PRMT3: variants seen among roughly 807,000 people sequenced by gnomAD.
PRMT3 encodes protein arginine N-methyltransferase 3.
Under a neutral mutation model 71.9 loss-of-function variants are expected in PRMT3, and 62 were observed. The observed-to-expected ratio is 0.86, with a 90% CI of 0.70 to 1.07. PRMT3 has a LOEUF of 1.07. PRMT3 is among the 50% of genes least tolerant of loss of function. The probability of loss-of-function intolerance (pLI) is 0.00; values close to 1 mark genes in which losing one functional copy is unlikely to be tolerated. For synonymous variants in PRMT3, 213 were observed against 220.4 expected (o/e 0.97, Z 0.30); for missense variants, 663 against 643.0 (o/e 1.03, Z -0.34).
At chr11:20,416,732 A>G (rs7482946) in intron 9 of PRMT3, among the ~76,000 whole-genome samples, 125,839 of 152,106 alleles carry the variant, frequency 0.83, 53,764 homozygotes, top group Non-Finnish European at 0.95. Context: ...ACAGCTACAC[A>G]TTTGTAAATA....
Position 20,476,258 on chromosome 11 carries a change from CAGA to C in PRMT3, c.1347+11717_1347+11719del, listed in dbSNP as rs775695714. On this transcript the variant is annotated intron_variant, in intron 13 of 15. Coordinates refer to ENST00000331079, the MANE Select transcript of PRMT3 (RefSeq NM_005788.4). ...ATCCCAGCTACTCAGGAGGCTGAGG[CAGA>C]AGAATTGCTTGAACCCAGGAGGCAG... 5.3e-5 allele frequency among the ~76,000 whole-genome samples: 8 copies of C among 152,086 alleles called. No homozygotes were observed. The East Asian group carries it at 5.9e-4, about 11-fold the overall frequency.
chr11:20,408,061 A>G (rs1248327041), intron 9 of PRMT3, 29 bp downstream of exon 9: 1 of 1,432,900 alleles, frequency 7.0e-7, no homozygotes, highest in Non-Finnish European at 9.5e-7. Flanking sequence ...TTCATTTAAG[A>G]TTATTTTAAA....
intron 13 of PRMT3, among the ~76,000 whole-genome samples, chr11:20,478,533 TAA>T (rs34317661): frequency 7.3e-5 from 10 of 136,754 alleles, no homozygotes; most frequent in Middle Eastern, 3.7e-3. Context: ...CCTGTCTCTT[TAA>T]AAAAAAAAAA....
intron 12 of PRMT3, among the ~76,000 whole-genome samples, chr11:20,463,953 A>G (rs1180195255): frequency 2.0e-5 from 3 of 152,226 alleles, no homozygotes; most frequent in Non-Finnish European, 4.4e-5. Flanking sequence ...CCTCATATCT[A>G]ACAAAACTTA....
At chr11:20,432,661 T>G (rs750602251) in intron 10 of PRMT3, among the ~76,000 whole-genome samples, 5 of 152,214 alleles carry the variant, frequency 3.3e-5, no homozygotes, top group Admixed American at 6.5e-5. Context: ...ATGGCTGTAC[T>G]AATTTATATT....
At chr11:20,404,215 T>TG (rs1303850159) in intron 8 of PRMT3, among the ~76,000 whole-genome samples, 9 of 6,230 alleles carry the variant, frequency 1.4e-3, no homozygotes, top group East Asian at 5.6e-3. Flanking sequence ...TTCATAGTTT[T>TG]TTTTTTTTTT....
At chr11:20,397,448 A>T in intron 6 of PRMT3, 129 bp from the exon 7 acceptor site, 4 of 893,434 alleles carry the variant, frequency 4.5e-6, no homozygotes, top group Non-Finnish European at 6.9e-6. Flanking sequence ...CAGTTGTTCA[A>T]GATAGAATGT....
At chr11:20,395,724 G>A (rs1848809775) in intron 5 of PRMT3, 79 bp from the exon 6 acceptor site, 1 of 1,346,038 alleles carries the variant, frequency 7.4e-7, no homozygotes, top group South Asian at 1.4e-5. Context: ...GAAACTTAGG[G>A]CGTATTTATT....
chr11:20,435,836 G>A (rs1003090472), intron 10 of PRMT3, among the ~76,000 whole-genome samples: 1 of 152,158 alleles, frequency 6.6e-6, no homozygotes, highest in East Asian at 1.9e-4. Context: ...TTTCATGCAA[G>A]TTTTAGGGTT....
At chr11:20,398,851 A>G (rs555036944) in intron 7 of PRMT3, among the ~76,000 whole-genome samples, 2 of 152,328 alleles carry the variant, frequency 1.3e-5, no homozygotes, top group African/African-American at 2.4e-5. Context: ...AGTATTCTCT[A>G]TGATGTTCAC....
chr11:20,486,077 C>T (rs79846207), intron 13 of PRMT3, among the ~76,000 whole-genome samples: 2,910 of 152,168 alleles, frequency 0.019, 92 homozygotes, highest in African/African-American at 0.065. Context: ...AAAAACATTA[C>T]GCTAAGTGAA....
At chr11:20,407,028 C>T (rs898031787) in intron 8 of PRMT3, 6 of 152,032 alleles carry the variant, frequency 3.9e-5, no homozygotes, top group East Asian at 3.9e-4. Context: ...TATACATATG[C>T]GAGCACAATT....
chr11:20,459,964 C>G (rs1361748719), intron 11 of PRMT3, among the ~76,000 whole-genome samples: 1 of 152,184 alleles, frequency 6.6e-6, no homozygotes, highest in Non-Finnish European at 1.5e-5. Context: ...TGGTCTGGTG[C>G]AGCTGGCATA....
intron 10 of PRMT3, among the ~76,000 whole-genome samples, chr11:20,450,774 A>G (rs912078960): frequency 2.0e-5 from 3 of 152,140 alleles, no homozygotes; most frequent in African/African-American, 7.2e-5. Context: ...TCTTGTGAAG[A>G]TTATCCATTC....
chr11:20,409,602 G>A (rs1468013876), intron 9 of PRMT3, among the ~76,000 whole-genome samples: 1 of 145,366 alleles, frequency 6.9e-6, no homozygotes, highest in Non-Finnish European at 1.5e-5. Context: ...AACTTGTTTA[G>A]GTTTTTCATA....
At chr11:20,483,047 G>A (rs1850980333) in intron 13 of PRMT3, among the ~76,000 whole-genome samples, 1 of 151,908 alleles carries the variant, frequency 6.6e-6, no homozygotes, top group Non-Finnish European at 1.5e-5. Flanking sequence ...TCAGAAAATA[G>A]GGTATATCAC....
intron 15 of PRMT3, among the ~76,000 whole-genome samples, chr11:20,494,869 T>C (rs1300688587): frequency 6.6e-6 from 1 of 152,138 alleles, no homozygotes; most frequent in Non-Finnish European, 1.5e-5. Context: ...CTAAAAATAT[T>C]TTCTTTCTCC....
Position 20,395,784 on chromosome 11 carries a change from T to C in PRMT3, c.401-19T>C, listed in dbSNP as rs141606774. 5.6e-3 allele frequency: 9,028 copies of C among 1,602,340 alleles called. 38 individuals carry two copies. The highest frequency in any genetic ancestry group is 6.9e-3 in the Non-Finnish European group (8,082 of 1,173,486). On this transcript the variant is annotated intron_variant, in intron 5 of 15. Coordinates refer to ENST00000331079, the MANE Select transcript of PRMT3 (RefSeq NM_005788.4). ...TTGTTATAAGATGGCCTGATAATAA[T>C]GTCCATTTATTTCTTTAGATGTAGA...
intron 13 of PRMT3, among the ~76,000 whole-genome samples, chr11:20,486,068 A>G (rs563770685): frequency 1.1e-3 from 173 of 152,350 alleles, no homozygotes; most frequent in African/African-American, 3.6e-3. Context: ...TTAACCCTTA[A>G]AAACATTACG....
Sources: gnomAD v4.1 joint callset for allele counts (sites outside exome capture counted in the v4.1 genomes callset) on GRCh38, gnomAD v4.1.1 for gene constraint, MANE v1.5 for transcripts, NCBI Gene and HGNC (gene_info 2026-07-23, HGNC 2026-07-21) for gene names.